RGS8: variants seen among roughly 807,000 people sequenced by gnomAD.
RGS8 encodes the protein regulator of G protein signaling 8.
Under a neutral mutation model 21.7 loss-of-function variants are expected in RGS8, and 8 were observed. The observed-to-expected ratio is 0.37, with a 90% CI of 0.22 to 0.66. The LOEUF is 0.66. Ranked by LOEUF, RGS8 falls within the 30% of genes least tolerant of loss-of-function variation. The probability of loss-of-function intolerance (pLI) is 0.59; values close to 1 mark genes in which losing one functional copy is unlikely to be tolerated. For missense variants in RGS8, 157 were observed against 217.9 expected (o/e 0.72, Z 1.76); for synonymous variants, 80 against 83.6 (o/e 0.96, Z 0.24).
chr1:182,653,867 T>G (rs898542868), intron 5 of RGS8, among the ~76,000 whole-genome samples: 3 of 152,208 alleles, frequency 2.0e-5, no homozygotes, highest in Admixed American at 6.5e-5. Context: ...AGAGGAGCTA[T>G]GTATGAATGC....
chr1:182,694,641 T>C, the RGS8 span, among the ~76,000 whole-genome samples: 1 of 151,766 alleles, frequency 6.6e-6, no homozygotes, highest in South Asian at 2.1e-4. Flanking sequence ...ACCCTGTCTC[T>C]ACTAAAAATA....
the RGS8 span, among the ~76,000 whole-genome samples, chr1:182,740,573 T>TTTTTTA: frequency 1.1e-5 from 1 of 87,326 alleles, no homozygotes; most frequent in African/African-American, 5.2e-5. Flanking sequence ...TTTTTTTTTT[T>TTTTTTA]ATTGATCATT....
the RGS8 span, among the ~76,000 whole-genome samples, chr1:182,749,353 T>C: frequency 6.6e-6 from 1 of 152,236 alleles, no homozygotes; most frequent in Non-Finnish European, 1.5e-5. Context: ...GAGGACTTTA[T>C]TTCCCCATTA....
At chr1:182,704,661 G>A in the RGS8 span, among the ~76,000 whole-genome samples, 301 of 152,286 alleles carry the variant, frequency 2.0e-3, 1 homozygote, top group African/African-American at 6.5e-3. Context: ...AAGAGGAATC[G>A]GGGATGCGGA....
At chr1:182,650,958 G>T (rs75164153) in intron 5 of RGS8, among the ~76,000 whole-genome samples, 1 of 152,306 alleles carries the variant, frequency 6.6e-6, no homozygotes, top group African/African-American at 2.4e-5. Flanking sequence ...GTTACTTCCT[G>T]TCAGGCAGGT....
chr1:182,694,047 A>T, the RGS8 span, among the ~76,000 whole-genome samples: 2 of 152,114 alleles, frequency 1.3e-5, no homozygotes, highest in Non-Finnish European at 2.9e-5. Context: ...GGGTGACAAA[A>T]TAACCTGTAC....
At chr1:182,681,086 G>A (rs1349086766) in intron 1 of RGS8, among the ~76,000 whole-genome samples, 1 of 152,194 alleles carries the variant, frequency 6.6e-6, no homozygotes, top group Admixed American at 6.5e-5. Context: ...AATCACTTAG[G>A]CTTATGAAAA....
intron 1 of RGS8, among the ~76,000 whole-genome samples, chr1:182,681,754 G>GT (rs992280357): frequency 5.3e-5 from 8 of 152,252 alleles, no homozygotes. Flanking sequence ...GACGAGGGCT[G>GT]TGTGGGTGCA....
upstream of RGS8, among the ~76,000 whole-genome samples, chr1:182,688,583 A>C (rs1168870108): frequency 6.6e-6 from 1 of 152,248 alleles, no homozygotes; most frequent in Admixed American, 6.5e-5. Context: ...CCTTGAGATG[A>C]AAATATTATC....
the RGS8 span, among the ~76,000 whole-genome samples, chr1:182,719,997 G>T: frequency 6.6e-6 from 1 of 152,056 alleles, no homozygotes; most frequent in Non-Finnish European, 1.5e-5. Context: ...TTGTTTCTGA[G>T]CTATCCACAT....
At chr1:182,706,773 G>A in the RGS8 span, among the ~76,000 whole-genome samples, 1 of 152,090 alleles carries the variant, frequency 6.6e-6, no homozygotes, top group Non-Finnish European at 1.5e-5. Flanking sequence ...GCCATCCATG[G>A]GCTAACTCTT....
chr1:182,648,534 G>A (rs986561016), intron 5 of RGS8, among the ~76,000 whole-genome samples: 2 of 151,980 alleles, frequency 1.3e-5, no homozygotes, highest in African/African-American at 4.8e-5. Context: ...ATGAGTTCGA[G>A]ACCAGCCTGG....
upstream of RGS8, among the ~76,000 whole-genome samples, chr1:182,688,728 A>G (rs911097576): frequency 6.6e-6 from 1 of 152,212 alleles, no homozygotes; most frequent in African/African-American, 2.4e-5. Flanking sequence ...CATGTTTGCT[A>G]GCTTTGAAAT....
At chr1:182,752,089 A>G in the RGS8 span, among the ~76,000 whole-genome samples, 1 of 152,194 alleles carries the variant, frequency 6.6e-6, no homozygotes, top group Non-Finnish European at 1.5e-5. Flanking sequence ...TTTCTTGGCC[A>G]TGAACCCCAC....
At chr1:182,707,838 C>A in the RGS8 span, among the ~76,000 whole-genome samples, 3 of 152,170 alleles carry the variant, frequency 2.0e-5, no homozygotes, top group East Asian at 5.8e-4. Context: ...TCCCGAGTGG[C>A]GGGGACTACA....
intron 5 of RGS8, among the ~76,000 whole-genome samples, chr1:182,649,373 A>G (rs1213000075): frequency 2.0e-5 from 3 of 152,186 alleles, no homozygotes; most frequent in Admixed American, 1.3e-4. Context: ...ACCCACTGAA[A>G]TGCAGTCGGC....
At chr1:182,653,416 C>T (rs1353167861) in intron 5 of RGS8, among the ~76,000 whole-genome samples, 2 of 150,838 alleles carry the variant, frequency 1.3e-5, no homozygotes, top group Admixed American at 6.6e-5. Flanking sequence ...TTGGGTAGGG[C>T]CAGGCGCAGT....
chr1:182,670,572 T>TC (rs1361714102), intron 2 of RGS8, among the ~76,000 whole-genome samples: 1 of 152,088 alleles, frequency 6.6e-6, no homozygotes, highest in African/African-American at 2.4e-5. Context: ...CATAAAGGGC[T>TC]CCCCTGGGGG....
the RGS8 span, chr1:182,733,871 C>A: frequency 6.7e-6 from 1 of 149,770 alleles, no homozygotes; most frequent in African/African-American, 2.5e-5. Context: ...GCCCTAGATA[C>A]CAAGTTATTT....
Sources: gnomAD v4.1 joint callset for allele counts (sites outside exome capture counted in the v4.1 genomes callset) on GRCh38, gnomAD v4.1.1 for gene constraint, MANE v1.5 for transcripts, NCBI Gene and HGNC (gene_info 2026-07-23, HGNC 2026-07-21) for gene names.